MIPOL1: variants seen among roughly 807,000 people sequenced by gnomAD.
MIPOL1 encodes mirror-image polydactyly gene 1 protein.
Under a neutral mutation model 60.9 loss-of-function variants are expected in MIPOL1, and 57 were observed. The observed-to-expected ratio is 0.94, with a 90% CI of 0.76 to 1.17. The LOEUF (loss-of-function observed/expected upper bound fraction) is 1.17. MIPOL1 is among the 50% of genes most tolerant of loss of function. MIPOL1 has a pLI of 0.00. For synonymous variants in MIPOL1, 179 were observed against 168.8 expected (o/e 1.06, Z -0.47); for missense variants, 551 against 511.6 (o/e 1.08, Z -0.74).
intron 1 of MIPOL1, among the ~76,000 whole-genome samples, chr14:37,222,173 A>G (rs1968891703): frequency 6.6e-6 from 1 of 151,962 alleles, no homozygotes; most frequent in Non-Finnish European, 1.5e-5. Flanking sequence ...ATAAGAAGAA[A>G]GGGATAACTG....
At chr14:37,467,980 G>T (rs2094623133) in intron 11 of MIPOL1, among the ~76,000 whole-genome samples, 1 of 151,226 alleles carries the variant, frequency 6.6e-6, no homozygotes, top group Non-Finnish European at 1.5e-5. Flanking sequence ...CTTCAACCCG[G>T]CAGGCAGAGG....
intron 12 of MIPOL1, among the ~76,000 whole-genome samples, chr14:37,538,499 G>A (rs2095516210): frequency 6.6e-6 from 1 of 152,072 alleles, no homozygotes; most frequent in Non-Finnish European, 1.5e-5. Flanking sequence ...CAAAAGATAT[G>A]AATTGCTGGG....
chr14:37,242,718 A>G (rs1237102815), intron 1 of MIPOL1, among the ~76,000 whole-genome samples: 1 of 152,174 alleles, frequency 6.6e-6, no homozygotes, highest in Non-Finnish European at 1.5e-5. Context: ...TTCTAAGGAT[A>G]GAGAGATGGG....
In MIPOL1 at chr14:37,247,840, GGAGCAAAAACCAGAGACATTGCCA is replaced by G; in HGVS notation, c.-41_-18del. 1.2e-6 allele frequency: 2 copies of G among 1,607,646 alleles called. No homozygotes were observed. Among genetic ancestry groups the G allele is most frequent in the Non-Finnish European group, 1.7e-6 (2 of 1,176,038 alleles). ...TGGCTTTATTTTAGCTGCAAATCTT[GGAGCAAAAACCAGAGACATTGCCA>G]GAGCAAACAAGAACAGAAATACAAA... On this transcript the variant is annotated 5_prime_UTR_variant, in exon 3 of 13. Transcript: ENST00000684589.
At chr14:37,490,641 TC>T (rs2095034693) in intron 11 of MIPOL1, among the ~76,000 whole-genome samples, 2 of 152,188 alleles carry the variant, frequency 1.3e-5, no homozygotes, top group Admixed American at 1.3e-4. Context: ...AACCTCAGTA[TC>T]TGGGCCAGAA....
chr14:37,322,733 A>G (rs2088717152), intron 9 of MIPOL1, among the ~76,000 whole-genome samples: 1 of 151,978 alleles, frequency 6.6e-6, no homozygotes, highest in Admixed American at 6.6e-5. Flanking sequence ...ACCAGTGATG[A>G]TGAGCTTTTT....
chr14:37,544,636 G>A (rs1302989523), intron 12 of MIPOL1, among the ~76,000 whole-genome samples: 2 of 152,214 alleles, frequency 1.3e-5, no homozygotes, highest in African/African-American at 4.8e-5. Flanking sequence ...TGTTTGGCAG[G>A]TGTATTCCAT....
chr14:37,332,349 A>G (rs1595182758), intron 9 of MIPOL1, among the ~76,000 whole-genome samples: 1 of 152,120 alleles, frequency 6.6e-6, no homozygotes, highest in Non-Finnish European at 1.5e-5. Context: ...TGTTGATGCA[A>G]TGTATCACAT....
chr14:37,235,915 G>C (rs1311568057), intron 1 of MIPOL1, among the ~76,000 whole-genome samples: 3 of 151,550 alleles, frequency 2.0e-5, no homozygotes, highest in Non-Finnish European at 2.9e-5. Flanking sequence ...CCTTACCAAT[G>C]CTTAGTATTT....
At chr14:37,444,752 G>A (rs1172094325) in intron 11 of MIPOL1, among the ~76,000 whole-genome samples, 7 of 152,118 alleles carry the variant, frequency 4.6e-5, no homozygotes, top group Non-Finnish European at 1.0e-4. Context: ...TCATCCCTGG[G>A]ATGCAAGGCT....
intron 12 of MIPOL1, among the ~76,000 whole-genome samples, chr14:37,539,196 C>T (rs549876824): frequency 1.3e-5 from 2 of 151,692 alleles, no homozygotes; most frequent in East Asian, 1.9e-4. Flanking sequence ...AGGGAGACTC[C>T]GTCTCAAAAA....
intron 9 of MIPOL1, among the ~76,000 whole-genome samples, chr14:37,346,077 C>G (rs1462841238): frequency 6.6e-6 from 1 of 152,128 alleles, no homozygotes; most frequent in Admixed American, 6.5e-5. Flanking sequence ...CGCCTGTAAT[C>G]CCAGCACTTT....
chr14:37,474,150 G>T (rs1296862986), intron 11 of MIPOL1, among the ~76,000 whole-genome samples: 1 of 152,042 alleles, frequency 6.6e-6, no homozygotes, highest in African/African-American at 2.4e-5. Flanking sequence ...ATTATAGTTT[G>T]TTTATATATT....
intron 12 of MIPOL1, among the ~76,000 whole-genome samples, chr14:37,521,228 C>T (rs985826865): frequency 1.3e-4 from 13 of 99,502 alleles, no homozygotes; most frequent in Middle Eastern, 4.5e-3. Flanking sequence ...TGAGCCACTG[C>T]GCCCAGCCAC....
intron 3 of MIPOL1, among the ~76,000 whole-genome samples, chr14:37,253,384 G>A (rs1974415243): frequency 6.6e-6 from 1 of 151,650 alleles, no homozygotes; most frequent in African/African-American, 2.4e-5. Flanking sequence ...GCGAAGATGA[G>A]GAATGCTATA....
chr14:37,252,166 T>C (rs1349995964), intron 3 of MIPOL1, among the ~76,000 whole-genome samples: 1 of 151,732 alleles, frequency 6.6e-6, no homozygotes, highest in Non-Finnish European at 1.5e-5. Flanking sequence ...GGGGGGATCA[T>C]CATATGTAAT....
intron 7 of MIPOL1, among the ~76,000 whole-genome samples, chr14:37,298,743 A>T (rs892478941): frequency 1.3e-5 from 2 of 152,078 alleles, no homozygotes; most frequent in African/African-American, 4.8e-5. Context: ...CAAAACCACA[A>T]TGAGATACCA....
chr14:37,417,716 C>T (rs1268493345), intron 10 of MIPOL1, among the ~76,000 whole-genome samples: 2 of 151,774 alleles, frequency 1.3e-5, no homozygotes, highest in African/African-American at 4.8e-5. Context: ...TTGAAGATAC[C>T]CAATTATATA....
intron 11 of MIPOL1, among the ~76,000 whole-genome samples, chr14:37,459,713 A>G (rs563270084): frequency 6.1e-4 from 93 of 152,298 alleles, no homozygotes; most frequent in African/African-American, 2.2e-3. Context: ...AAGGACACAT[A>G]CACACAAAGA....
Sources: gnomAD v4.1 joint callset for allele counts (sites outside exome capture counted in the v4.1 genomes callset) on GRCh38, gnomAD v4.1.1 for gene constraint, MANE v1.5 for transcripts, NCBI Gene and HGNC (gene_info 2026-07-23, HGNC 2026-07-21) for gene names.